Variants in PCNA observed in about 807,000 individuals in gnomAD.
PCNA encodes the protein proliferating cell nuclear antigen, also known as DNA sliding clamp PCNA.
Under a neutral mutation model 27.8 loss-of-function variants are expected in PCNA, and 4 were observed. The ratio of observed to expected loss-of-function variants is 0.14; its 90% CI spans 0.07 to 0.33. The LOEUF (loss-of-function observed/expected upper bound fraction) is 0.33, where lower values mean the gene tolerates loss of function less well. PCNA is among the 10% of genes least tolerant of loss of function. PCNA has a pLI of 1.00. For missense variants in PCNA, 165 were observed against 327.4 expected, an observed-to-expected ratio of 0.50 and a Z score of 3.83; for synonymous variants, 121 against 119.4, an observed-to-expected ratio of 1.01 and a Z score of -0.09.
intron 1 of PCNA, 142 bp from the exon 2 acceptor site, chr20:5,119,008 C>A (rs1385417351): frequency 3.2e-6 from 2 of 631,726 alleles, no homozygotes. Context: ...CTGGAGGATG[C>A]CATTATTAAT....
intron 1 of PCNA, among the ~76,000 whole-genome samples, chr20:5,119,187 G>T (rs1051239387): frequency 6.6e-6 from 1 of 151,926 alleles, no homozygotes. Context: ...CGGGAGGATC[G>T]CTTGAGCCCA....
intron 4 of PCNA, among the ~76,000 whole-genome samples, chr20:5,116,626 A>G (rs1445914863): frequency 1.3e-5 from 2 of 152,098 alleles, no homozygotes; most frequent in Admixed American, 6.6e-5. Flanking sequence ...TTGATTTACA[A>G]AGTTTTAATT....
At chr20:5,118,547 A>G in intron 3 of PCNA, 63 bp downstream of exon 3, 3 of 1,198,600 alleles carry the variant, frequency 2.5e-6, no homozygotes, top group South Asian at 2.5e-5. Flanking sequence ...ATAAACAAAC[A>G]TTCTATGACA....
At chr20:5,120,801 TTTC>T (rs2090513712), upstream of PCNA, among the ~76,000 whole-genome samples, 1 of 152,076 alleles carries the variant, frequency 6.6e-6, no homozygotes, top group Non-Finnish European at 1.5e-5. Context: ...TTTAATATTT[TTTC>T]TTTTCTTTTC....
In PCNA at chr20:5,119,908, C is replaced by T. The variant is rs2090506688; in HGVS notation, c.-110G>A. On this transcript the variant is annotated 5_prime_UTR_variant, in exon 1 of 6. Transcript: ENST00000379143. ...AGCGGGCGAACGTCGCGACGACCGG[C>T]TGAGACCTAGAAAGACAACGACCAC... 1 of 803,068 alleles carries T rather than the reference C, an allele frequency of 1.2e-6. No individual in the cohort carries two copies. The highest frequency in any genetic ancestry group is 2.7e-5 in the East Asian group (1 of 37,444). 49.7% of individuals were successfully genotyped at this position (803,068 alleles called of 1,614,324 possible). A position where few individuals can be genotyped will look rare whatever the true frequency, so the allele number is the denominator to read the frequency against.
Position 5,119,938 on chromosome 20 carries a change from C to T in PCNA, c.-140G>A. 1.5e-6 allele frequency: 1 copy of T among 668,956 alleles called. No homozygotes were observed. The highest frequency in any genetic ancestry group is 2.6e-6 in the Non-Finnish European group (1 of 388,500). The allele number at this position is 668,956 out of a possible 1,614,324, so 41.4% of individuals were successfully genotyped here. ...ACCTAGAAAGACAACGACCACTCTG[C>T]TACGCCTGCAACCGTTTAATGCCGC... On this transcript the variant is annotated 5_prime_UTR_variant, in exon 1 of 6. Transcript: ENST00000379143.
upstream of PCNA, among the ~76,000 whole-genome samples, chr20:5,121,141 C>G (rs2090515371): frequency 6.6e-6 from 1 of 152,110 alleles, no homozygotes. Flanking sequence ...TCAATTGTTA[C>G]AGGATGGACA....
At chr20:5,119,262 A>C (rs1600449164) in intron 1 of PCNA, among the ~76,000 whole-genome samples, 2 of 152,228 alleles carry the variant, frequency 1.3e-5, no homozygotes, top group East Asian at 3.9e-4. Flanking sequence ...CCACAGCTAA[A>C]GCGTCCATTC....
At chr20:5,120,169 G>A (rs1041483539), upstream of PCNA, 6 of 253,962 alleles carry the variant, frequency 2.4e-5, no homozygotes, top group South Asian at 1.5e-4. Flanking sequence ...CCTGAACCCG[G>A]CCGCAGAACA....
At chr20:5,122,442 C>T (rs1395190122), upstream of PCNA, among the ~76,000 whole-genome samples, 2 of 152,178 alleles carry the variant, frequency 1.3e-5, no homozygotes, top group African/African-American at 4.8e-5. Context: ...TAATATCCTA[C>T]TCTGTGTTGT....
chr20:5,118,019 GT>G (rs1363654836), intron 3 of PCNA, among the ~76,000 whole-genome samples: 2 of 152,320 alleles, frequency 1.3e-5, no homozygotes, highest in East Asian at 3.9e-4. Flanking sequence ...CTCCTTTGGT[GT>G]TTATAAACCT....
intron 1 of PCNA, among the ~76,000 whole-genome samples, chr20:5,126,113 G>A (rs1476135580): frequency 6.6e-6 from 1 of 152,144 alleles, no homozygotes; most frequent in Non-Finnish European, 1.5e-5. Flanking sequence ...GCGCACCTTG[G>A]AATTGTTTGC....
intron 1 of PCNA, among the ~76,000 whole-genome samples, chr20:5,126,162 C>A (rs1206248869): frequency 6.6e-6 from 1 of 152,140 alleles, no homozygotes; most frequent in Non-Finnish European, 1.5e-5. Context: ...GAGATCATGC[C>A]ACTGCACTCC....
chr20:5,115,240 T>C lies in PCNA; in HGVS notation c.*43A>G. On this transcript the variant is annotated 3_prime_UTR_variant, in exon 6 of 6. Transcript: ENST00000379143. ...GTATATGCTGGCATCTTAGAAGCAG[T>C]TCTCAAAGAGCTTAGTTTTATTTTC... 6.8e-7 allele frequency: 1 copy of C among 1,479,528 alleles called. No individual in the cohort carries two copies. The highest frequency in any genetic ancestry group is 9.4e-7 in the Non-Finnish European group (1 of 1,059,836). 91.7% of individuals were successfully genotyped at this position (1,479,528 alleles called of 1,614,324 possible).
In PCNA at chr20:5,118,883, A is replaced by T. The variant is rs1365769927; in HGVS notation, c.222-17T>A. On this transcript the variant is annotated splice_polypyrimidine_tract_variant and intron_variant, in intron 1 of 5. Coordinates refer to ENST00000379143, the MANE Select transcript of PCNA (RefSeq NM_182649.2). Reference sequence around the variant, plus strand: ...TTGGACATACTAGAAGACAGGAGACACATGCTTTAAAATCAACGCCGTCTG... The same window carrying T: ...TTGGACATACTAGAAGACAGGAGACTCATGCTTTAAAATCAACGCCGTCTG... 1.3e-6 allele frequency: 2 copies of T among 1,558,160 alleles called. No individual in the cohort carries two copies. Among genetic ancestry groups the T allele is most frequent in the Admixed American group, 3.4e-5 (2 of 59,058 alleles).
Position 5,114,973 on chromosome 20 carries a change from A to C in PCNA, c.*310T>G. On this transcript the variant is annotated 3_prime_UTR_variant, in exon 6 of 6. Transcript: ENST00000379143. ...CCCTGTGATGTTTGAAATTCAAGTA[A>C]CTTTATTTAAATTCAAAAACAATTC... is the stretch of plus-strand genomic sequence containing the variant. The C allele has an allele frequency of 4.2e-6, 1 of 239,840 alleles. No homozygotes were observed. The highest frequency in any genetic ancestry group is 8.3e-6 in the Non-Finnish European group (1 of 120,646). The allele number at this position is 239,840 out of a possible 1,614,324, so 14.9% of individuals were successfully genotyped here. A position where few individuals can be genotyped will look rare whatever the true frequency, so the allele number is the denominator to read the frequency against.
rs766487317 is a variant in PCNA, at chr20:5,119,628, G to A, written c.171C>T (p.Phe57=). The change falls in exon 1 of 6, where the codon TTC becomes TTT. Residue 57 remains phenylalanine, a synonymous_variant. Transcript: ENST00000379143. ...GGTTGCGGTCGCAGCGGTAGGTGTC[G>A]AAGCCCTCAGACCGCAGGGTGAGCT... The part of the protein sequence containing the change: ...LVQLTLRSEG[F]DTYRCDRNLA... The A allele has an allele frequency of 1.2e-6, 2 of 1,613,642 alleles. No individual in the cohort carries two copies. The highest frequency in any genetic ancestry group is 1.7e-6 in the Non-Finnish European group (2 of 1,179,950).
chr20:5,124,709 G>GC (rs1241927020), upstream of PCNA, among the ~76,000 whole-genome samples: 20 of 151,894 alleles, frequency 1.3e-4, no homozygotes, highest in Non-Finnish European at 1.2e-4. Context: ...CTGGCCTAAA[G>GC]CCCTATTAGC....
intron 5 of PCNA, 24 bp from the exon 6 acceptor site, chr20:5,115,386 T>G: frequency 6.2e-7 from 1 of 1,613,648 alleles, no homozygotes; most frequent in South Asian, 1.1e-5. Context: ...AGATGGTTAA[T>G]TACTGAGGAG....
Sources: allele counts gnomAD v4.1 joint callset (sites outside exome capture counted in the v4.1 genomes callset), GRCh38; gene constraint gnomAD v4.1.1; transcripts MANE v1.5; gene names NCBI Gene and HGNC (gene_info 2026-07-23, HGNC 2026-07-21).